PLPP4: variants seen among roughly 807,000 people sequenced by gnomAD.
PLPP4 encodes the protein diacylglycerol pyrophosphate like 2.
PLPP4 carries 20 observed loss-of-function variants against 32.2 expected under a neutral mutation model. The ratio of observed to expected loss-of-function variants is 0.62; its 90% CI spans 0.44 to 0.90. PLPP4 has a LOEUF of 0.90. Among genes scored for constraint, PLPP4 ranks in the 40% least tolerant of loss-of-function variants. PLPP4 has a pLI of 0.00. For missense variants in PLPP4, 257 were observed against 353.1 expected, an observed-to-expected ratio of 0.73 and a Z score of 2.18; for synonymous variants, 127 against 133.0, an observed-to-expected ratio of 0.95 and a Z score of 0.31.
intron 5 of PLPP4, among the ~76,000 whole-genome samples, chr10:120,559,007 C>T (rs193197185): frequency 2.0e-5 from 3 of 152,324 alleles, no homozygotes; most frequent in South Asian, 2.1e-4. Context: ...ACAGTCTTGT[C>T]GGCACCTAAC....
intron 1 of PLPP4, among the ~76,000 whole-genome samples, chr10:120,491,128 TG>T (rs1227913577): frequency 6.6e-6 from 1 of 152,160 alleles, no homozygotes; most frequent in Non-Finnish European, 1.5e-5. Flanking sequence ...TCTGGGCTGC[TG>T]GCCCTGCTGG....
intron 1 of PLPP4, among the ~76,000 whole-genome samples, chr10:120,473,314 T>TC (rs1848596104): frequency 6.6e-6 from 1 of 152,220 alleles, no homozygotes; most frequent in Non-Finnish European, 1.5e-5. Context: ...TGTTTTTTTT[T>TC]TCCAAGATTG....
intron 5 of PLPP4, among the ~76,000 whole-genome samples, chr10:120,521,491 A>T (rs776036905): frequency 6.6e-6 from 1 of 152,212 alleles, no homozygotes; most frequent in Non-Finnish European, 1.5e-5. Flanking sequence ...GCACATATGT[A>T]TACATATATA....
Position 120,578,053 on chromosome 10 carries a change from G to A in PLPP4, c.616+2752G>A, listed in dbSNP as rs549999719. Among the ~76,000 whole-genome samples, 5 of 152,200 alleles carry A rather than the reference G, an allele frequency of 3.3e-5. No individual in the cohort carries two copies. In the East Asian group the frequency reaches 7.7e-4, roughly 24 times the overall value. The stretch of plus-strand genomic sequence containing the variant: ...ATGTCCTACAATCACAAGACCCCTC[G>A]CCCACTAACAAGGAGTTATGCAGCC... On this transcript the variant is annotated intron_variant, in intron 6 of 6. Coordinates refer to ENST00000398250, the MANE Select transcript of PLPP4 (RefSeq NM_001030059.3).
At chr10:120,536,263 G>A (rs922385926) in intron 5 of PLPP4, among the ~76,000 whole-genome samples, 5 of 151,946 alleles carry the variant, frequency 3.3e-5, no homozygotes, top group African/African-American at 1.2e-4. Context: ...GAAGAAGAAA[G>A]CTAGAGGCAT....
At chr10:120,554,268 CA>C (rs1848045255) in intron 5 of PLPP4, among the ~76,000 whole-genome samples, 1 of 152,194 alleles carries the variant, frequency 6.6e-6, no homozygotes, top group Admixed American at 6.5e-5. Context: ...ACAAGTCTGC[CA>C]GTCTCTTTGC....
At position 120,468,621 on chromosome 10, in the gene PLPP4, T is replaced by C. The variant is rs1848400595; in HGVS notation, c.56+11260T>C. Among the ~76,000 whole-genome samples the C allele has an allele frequency of 3.1e-5, 2 of 65,418 alleles. 1 individual carries two copies. Among genetic ancestry groups the C allele is most frequent in the Non-Finnish European group, 8.9e-5 (2 of 22,394 alleles). 42.9% of individuals were successfully genotyped at this position (65,418 alleles called of 152,430 possible). ...TTTCATGCACAATCAAAAAAATCAA[T>C]ATAGATGTTTTCTGTTACAGAACAA... On this transcript the variant is annotated intron_variant, in intron 1 of 6. Coordinates refer to ENST00000398250, the MANE Select transcript of PLPP4 (RefSeq NM_001030059.3).
intron 5 of PLPP4, among the ~76,000 whole-genome samples, chr10:120,568,608 A>G (rs1331418902): frequency 6.6e-6 from 1 of 152,194 alleles, no homozygotes; most frequent in Non-Finnish European, 1.5e-5. Flanking sequence ...CTAAAAAATC[A>G]TTTCTCATTA....
At chr10:120,463,445 C>T (rs979293247) in intron 1 of PLPP4, among the ~76,000 whole-genome samples, 1 of 152,240 alleles carries the variant, frequency 6.6e-6, no homozygotes, top group Non-Finnish European at 1.5e-5. Flanking sequence ...CAATTGCCTT[C>T]AATCTCTGAA....
At chr10:120,543,500 A>G (rs946598610) in intron 5 of PLPP4, among the ~76,000 whole-genome samples, 2 of 151,492 alleles carry the variant, frequency 1.3e-5, no homozygotes, top group Non-Finnish European at 3.0e-5. Flanking sequence ...AATGCAATTA[A>G]AAAAAAAACA....
intron 1 of PLPP4, among the ~76,000 whole-genome samples, chr10:120,490,399 A>G (rs1844663255): frequency 6.6e-6 from 1 of 152,214 alleles, no homozygotes; most frequent in East Asian, 1.9e-4. Context: ...AGGGCTCCTT[A>G]TCTGCTTAAA....
intron 1 of PLPP4, among the ~76,000 whole-genome samples, chr10:120,476,054 G>T (rs1843890237): frequency 6.6e-6 from 1 of 152,220 alleles, no homozygotes; most frequent in African/African-American, 2.4e-5. Context: ...ATAATGGCAT[G>T]TGCCTGCATC....
At position 120,501,054 on chromosome 10, in the gene PLPP4, C is replaced by T. The variant is rs1044835748; in HGVS notation, c.57-2764C>T. ...AAAAATAATAGCAGGGGTTCCAGCT[C>T]CTGCCAGGGTTCCAGCTAACAGCCT... On this transcript the variant is annotated intron_variant, in intron 1 of 6. Transcript: ENST00000398250. Among the ~76,000 whole-genome samples, 3 of 152,138 alleles carry T rather than the reference C, an allele frequency of 2.0e-5. No individual in the cohort carries two copies. The South Asian group carries it at 6.2e-4, about 32-fold the overall frequency.
intron 3 of PLPP4, among the ~76,000 whole-genome samples, chr10:120,517,300 C>T (rs2133899835): frequency 6.6e-6 from 1 of 152,280 alleles, no homozygotes; most frequent in South Asian, 2.1e-4. Flanking sequence ...TTGCGGCAAT[C>T]TCACAACCTG....
intron 6 of PLPP4, among the ~76,000 whole-genome samples, chr10:120,580,114 TCAAAAAAA>T (rs1849421975): frequency 2.5e-5 from 1 of 39,410 alleles, no homozygotes; most frequent in African/African-American, 1.2e-4. Context: ...AGCGAGACTC[TCAAAAAAA>T]AAAAAAAAAA....
At chr10:120,495,655 CAG>C (rs200516837) in intron 1 of PLPP4, among the ~76,000 whole-genome samples, 3,126 of 152,060 alleles carry the variant, frequency 0.021, 50 homozygotes, top group Non-Finnish European at 0.033. Flanking sequence ...CTTCAGATCT[CAG>C]GGGTTGAAAG....
chr10:120,480,770 C>T (rs551248282), intron 1 of PLPP4, among the ~76,000 whole-genome samples: 48 of 152,328 alleles, frequency 3.2e-4, no homozygotes, highest in African/African-American at 1.1e-3. Flanking sequence ...CAACACTGCT[C>T]CTGCCCCCTT....
At chr10:120,517,224 C>A (rs1845968520) in intron 3 of PLPP4, among the ~76,000 whole-genome samples, 1 of 152,090 alleles carries the variant, frequency 6.6e-6, no homozygotes, top group Non-Finnish European at 1.5e-5. Context: ...TGAGTTCAGC[C>A]CCACTGGGAA....
At chr10:120,508,086 A>G (rs1304067161) in intron 2 of PLPP4, among the ~76,000 whole-genome samples, 1 of 152,170 alleles carries the variant, frequency 6.6e-6, no homozygotes, top group Non-Finnish European at 1.5e-5. Context: ...ATACATTCTC[A>G]TAGACTATTA....
Sources: allele counts gnomAD v4.1 joint callset (sites outside exome capture counted in the v4.1 genomes callset), GRCh38; gene constraint gnomAD v4.1.1; transcripts MANE v1.5; gene names NCBI Gene and HGNC (gene_info 2026-07-23, HGNC 2026-07-21).